Variants in DST observed in about 807,000 individuals in gnomAD.
DST encodes the protein dystonin.
DST carries 253 observed loss-of-function variants against 875.2 expected under a neutral mutation model. The ratio of observed to expected loss-of-function variants is 0.29; its 90% CI spans 0.26 to 0.32. The LOEUF is 0.32. Among genes scored for constraint, DST ranks in the 10% least tolerant of loss-of-function variants. DST has a pLI of 1.00. For synonymous variants in DST, 3,124 were observed against 3,197.1 expected, an observed-to-expected ratio of 0.98 and a Z score of 0.77; for missense variants, 8,287 against 9,111.6, an observed-to-expected ratio of 0.91 and a Z score of 3.68.
intron 4 of DST, among the ~76,000 whole-genome samples, chr6:56,805,848 T>A (rs1304014476): frequency 6.6e-6 from 1 of 152,236 alleles, no homozygotes; most frequent in East Asian, 1.9e-4. Flanking sequence ...GATTATTTGA[T>A]GATTCAGAAA....
At chr6:56,512,168 G>C (rs2096490276) in intron 72 of DST, among the ~76,000 whole-genome samples, 1 of 152,206 alleles carries the variant, frequency 6.6e-6, no homozygotes, top group Non-Finnish European at 1.5e-5. Flanking sequence ...AGCATTGTTT[G>C]TAAGGTATAT....
chr6:56,933,356 A>G (rs1811270463), intron 2 of DST, among the ~76,000 whole-genome samples: 2 of 152,214 alleles, frequency 1.3e-5, no homozygotes. Context: ...CTAAAACTTA[A>G]CCATGCCTTT....
At chr6:56,602,434 G>C (rs1165473168) in intron 43 of DST, among the ~76,000 whole-genome samples, 5 of 151,882 alleles carry the variant, frequency 3.3e-5, no homozygotes, top group Non-Finnish European at 7.4e-5. Context: ...TGCAGTAAAG[G>C]ATGCCATCTA....
At chr6:56,577,689 C>A (rs1206124009) in intron 50 of DST, among the ~76,000 whole-genome samples, 1 of 152,110 alleles carries the variant, frequency 6.6e-6, no homozygotes, top group Non-Finnish European at 1.5e-5. Context: ...TAGGGTAAAA[C>A]ATATGTCTAA....
At chr6:56,648,754 T>C in intron 12 of DST, 65 bp from the exon 13 acceptor site, 1 of 1,351,864 alleles carries the variant, frequency 7.4e-7, no homozygotes, top group Non-Finnish European at 1.0e-6. Context: ...TCTAAGACAA[T>C]TTAGTCAGAA....
chr6:56,848,707 CT>C (rs1373889439), intron 4 of DST, among the ~76,000 whole-genome samples: 2 of 152,100 alleles, frequency 1.3e-5, no homozygotes, highest in African/African-American at 4.8e-5. Flanking sequence ...TATGATTTGC[CT>C]AGCAAAAAGC....
intron 9 of DST, among the ~76,000 whole-genome samples, chr6:56,680,997 A>C (rs2099154406): frequency 6.6e-6 from 1 of 152,222 alleles, no homozygotes; most frequent in Non-Finnish European, 1.5e-5. Flanking sequence ...ATAAAGTAAT[A>C]ATATGACCTG....
At chr6:56,785,017 A>G (rs1056248723) in intron 4 of DST, among the ~76,000 whole-genome samples, 6 of 152,208 alleles carry the variant, frequency 3.9e-5, no homozygotes, top group African/African-American at 9.6e-5. Flanking sequence ...CCTGGGTATC[A>G]GCGGCAGTGT....
rs1238273546 is a variant in DST at position 56,458,215 on chromosome 6, A to G, written c.*790T>C. On this transcript the variant is annotated 3_prime_UTR_variant, in exon 104 of 104. Transcript: ENST00000680361. ...AAAAATACACTAGTTTTCCCTGGGG[A>G]AAAAAAATTAATTCCATAGCAATGC... is the stretch of plus-strand genomic sequence containing the variant. The G allele has an allele frequency of 6.6e-6, 1 of 152,496 alleles. No individual in the cohort carries two copies. Among genetic ancestry groups the G allele is most frequent in the East Asian group, 1.9e-4 (1 of 5,194 alleles). The allele number at this position is 152,496 out of a possible 1,614,324, so 9.4% of individuals were successfully genotyped here.
chr6:56,893,173 G>T (rs1788444306), intron 3 of DST, among the ~76,000 whole-genome samples: 1 of 152,090 alleles, frequency 6.6e-6, no homozygotes, highest in Non-Finnish European at 1.5e-5. Flanking sequence ...TTCCTCCCAA[G>T]TCCCCACAGT....
At chr6:56,849,554 A>G (rs1210880707) in intron 4 of DST, among the ~76,000 whole-genome samples, 1 of 152,198 alleles carries the variant, frequency 6.6e-6, no homozygotes. Context: ...CCCTGCATCA[A>G]TGACTCCACA....
chr6:56,502,226 C>T (rs2096156195), intron 78 of DST, among the ~76,000 whole-genome samples: 1 of 152,120 alleles, frequency 6.6e-6, no homozygotes, highest in Admixed American at 6.6e-5. Context: ...TCTCCTTCTA[C>T]TTTCTAAGTC....
intron 2 of DST, among the ~76,000 whole-genome samples, chr6:56,920,727 CTTTTTTTT>C (rs1201574608): frequency 1.4e-4 from 18 of 124,184 alleles, no homozygotes; most frequent in African/African-American, 5.2e-4. Flanking sequence ...TTCTTTCTTC[CTTTTTTTT>C]TTTTTTTTTT....
chr6:56,495,718 A>C (rs2095878790), intron 82 of DST, among the ~76,000 whole-genome samples: 1 of 152,058 alleles, frequency 6.6e-6, no homozygotes, highest in African/African-American at 2.4e-5. Flanking sequence ...GGCACTAAAA[A>C]CCAATAACGA....
At chr6:56,782,785 T>A (rs1472360560) in intron 4 of DST, among the ~76,000 whole-genome samples, 1 of 152,228 alleles carries the variant, frequency 6.6e-6, no homozygotes, top group Non-Finnish European at 1.5e-5. Flanking sequence ...GTGTTTGCTC[T>A]TGCTTCTCTA....
chr6:56,686,484 T>C (rs1035648529), intron 9 of DST, among the ~76,000 whole-genome samples: 2 of 152,198 alleles, frequency 1.3e-5, no homozygotes. Context: ...TTCCAACAAA[T>C]TGACAGGGTT....
intron 50 of DST, among the ~76,000 whole-genome samples, chr6:56,577,690 A>G (rs1031180305): frequency 6.6e-6 from 1 of 152,222 alleles, no homozygotes; most frequent in Non-Finnish European, 1.5e-5. Flanking sequence ...AGGGTAAAAC[A>G]TATGTCTAAT....
chr6:56,873,211 G>C (rs572573610), intron 3 of DST, among the ~76,000 whole-genome samples: 2 of 152,208 alleles, frequency 1.3e-5, no homozygotes, highest in East Asian at 3.9e-4. Context: ...TTGCTCTTGA[G>C]TTGTTTGAGT....
chr6:56,500,944 A>G, intron 80 of DST, 136 bp downstream of exon 80: 2 of 780,514 alleles, frequency 2.6e-6, no homozygotes, highest in South Asian at 2.4e-5. Flanking sequence ...GTTAACCTTT[A>G]GTTATAAATG....
Sources: gnomAD v4.1 joint callset for allele counts (sites outside exome capture counted in the v4.1 genomes callset) on GRCh38, gnomAD v4.1.1 for gene constraint, MANE v1.5 for transcripts, NCBI Gene and HGNC (gene_info 2026-07-23, HGNC 2026-07-21) for gene names.